The following CACNA1E variants were observed in gnomAD, a reference collection of about 807,000 sequenced individuals.
The protein encoded by CACNA1E is voltage-dependent R-type calcium channel subunit alpha-1E.
Under a neutral mutation model 259.2 loss-of-function variants are expected in CACNA1E, and 40 were observed. The observed-to-expected ratio is 0.15, with a 90% confidence interval of 0.12 to 0.20. The LOEUF (loss-of-function observed/expected upper bound fraction) is 0.20, where lower values mean the gene tolerates loss of function less well. Among genes scored for constraint, CACNA1E ranks in the 10% least tolerant of loss-of-function variants. The pLI is 1.00. For missense variants in CACNA1E, 1,874 were observed against 3,040.1 expected, an observed-to-expected ratio of 0.62 and a Z score of 9.02; for synonymous variants, 1,104 against 1,138.5, an observed-to-expected ratio of 0.97 and a Z score of 0.61.
chr1:181,449,270 G>A (rs184191080), intron 2 of CACNA1E, among the ~76,000 whole-genome samples: 2 of 152,164 alleles, frequency 1.3e-5, no homozygotes, highest in African/African-American at 2.4e-5. Flanking sequence ...GATACATGCC[G>A]TTCCATCCCT....
At position 181,720,833 on chromosome 1, in the gene CACNA1E, C is replaced by A; in HGVS notation, c.1934C>A (p.Ala645Glu). 1.9e-6 allele frequency: 3 copies of A among 1,611,690 alleles called. No homozygotes were observed. Among genetic ancestry groups the A allele is most frequent in the Non-Finnish European group, 2.5e-6 (3 of 1,178,370 alleles). The change falls in exon 15 of 48, where the codon GCA becomes GAA. Residue 645 changes from alanine to glutamate, a missense_variant. By Grantham distance (107) the Ala-to-Glu change is moderately radical (BLOSUM62 -1). Coordinates refer to ENST00000367573, the MANE Select transcript of CACNA1E (RefSeq NM_001205293.3). ...TCGGCAAATTTTGATACCTTCCCTG[C>A]AGCCATCATGACTGTGTTCCAGGTA... ...TPSANFDTFP[A>E]AIMTVFQILT...
At chr1:181,625,589 G>A (rs1052636437) in intron 6 of CACNA1E, among the ~76,000 whole-genome samples, 1 of 152,104 alleles carries the variant, frequency 6.6e-6, no homozygotes, top group Non-Finnish European at 1.5e-5. Flanking sequence ...ACCTTTATTA[G>A]CCTTCACAGA....
chr1:181,775,403 C>CCTGCCCCT (rs1659889749), intron 37 of CACNA1E, among the ~76,000 whole-genome samples: 1 of 152,212 alleles, frequency 6.6e-6, no homozygotes, highest in South Asian at 2.1e-4. Context: ...GTGCTGTCGT[C>CCTGCCCCT]CTGCCCCTGG....
chr1:181,426,646 C>A (rs1241845625), intron 2 of CACNA1E, among the ~76,000 whole-genome samples: 1 of 147,518 alleles, frequency 6.8e-6, no homozygotes, highest in Non-Finnish European at 1.5e-5. Context: ...CCCATCTCAA[C>A]CCCTTCCCAT....
intron 2 of CACNA1E, among the ~76,000 whole-genome samples, chr1:181,458,003 C>T (rs1158213042): frequency 6.6e-6 from 1 of 152,168 alleles, no homozygotes; most frequent in Non-Finnish European, 1.5e-5. Context: ...AGGTCTAAGT[C>T]CATCTGTGTG....
chr1:181,747,005 A>G (rs914691108), intron 25 of CACNA1E, among the ~76,000 whole-genome samples: 2 of 152,246 alleles, frequency 1.3e-5, no homozygotes, highest in Admixed American at 6.5e-5. Flanking sequence ...TATAGTGCCA[A>G]GGACTTAGTA....
intron 6 of CACNA1E, among the ~76,000 whole-genome samples, chr1:181,585,246 T>C (rs145519156): frequency 6.6e-6 from 1 of 152,310 alleles, no homozygotes; most frequent in East Asian, 1.9e-4. Context: ...TTCTTTTTAA[T>C]TGGCAGAACA....
intron 6 of CACNA1E, among the ~76,000 whole-genome samples, chr1:181,641,463 C>G (rs1011755344): frequency 6.6e-6 from 1 of 152,120 alleles, no homozygotes; most frequent in South Asian, 2.1e-4. Context: ...TTTCTCTCTC[C>G]TTGGAATGTC....
chr1:181,331,695 A>G (rs935674840), intron 1 of CACNA1E, among the ~76,000 whole-genome samples: 5 of 152,192 alleles, frequency 3.3e-5, no homozygotes, highest in African/African-American at 9.7e-5. Context: ...GACACCTAAT[A>G]TTAACCATCA....
chr1:181,581,572 A>T, intron 6 of CACNA1E, among the ~76,000 whole-genome samples: 1 of 152,136 alleles, frequency 6.6e-6, no homozygotes, highest in Non-Finnish European at 1.5e-5. Flanking sequence ...GATGTTGGGG[A>T]TTCCTGCATG....
chr1:181,562,004 A>G (rs1649377244), intron 3 of CACNA1E, among the ~76,000 whole-genome samples: 1 of 152,090 alleles, frequency 6.6e-6, no homozygotes, highest in African/African-American at 2.4e-5. Context: ...ATAATGTCCC[A>G]TCTTTTCATG....
At chr1:181,465,341 T>C (rs1033416385) in intron 2 of CACNA1E, among the ~76,000 whole-genome samples, 1 of 152,180 alleles carries the variant, frequency 6.6e-6, no homozygotes, top group Admixed American at 6.5e-5. Context: ...TTAGAATTCA[T>C]TGAATTTCTT....
Position 181,632,254 on chromosome 1 carries a change from C to T in CACNA1E, c.952-19084C>T, listed in dbSNP as rs77449668. ...TGCACTGAATGAGCAATGCTTGTGC[C>T]TTTCCTCTTTTCTTGTATCCGTACA... On this transcript the variant is annotated intron_variant, in intron 6 of 47. Transcript: ENST00000367573. Among the ~76,000 whole-genome samples the T allele has an allele frequency of 3.6e-3, 551 of 152,216 alleles. 3 individuals are homozygous for T. The highest frequency in any genetic ancestry group is 0.011 in the African/African-American group (464 of 41,514).
chr1:181,745,088 G>A (rs893968314), intron 25 of CACNA1E, among the ~76,000 whole-genome samples: 1 of 152,148 alleles, frequency 6.6e-6, no homozygotes. Context: ...CTTGAAAATG[G>A]AGTTTGGGAG....
At chr1:181,755,203 G>T (rs374942532) in intron 27 of CACNA1E, 34 bp from the exon 28 acceptor site, 2 of 1,596,546 alleles carry the variant, frequency 1.3e-6, no homozygotes, top group Non-Finnish European at 1.7e-6. Flanking sequence ...CCATCACAGG[G>T]TTCACACAGC....
Position 181,737,651 on chromosome 1 carries a change from C to T in CACNA1E, c.3549C>T (p.Asn1183=), listed in dbSNP as rs752658245. Residue 1183 remains asparagine (N), a synonymous_variant, in exon 23 of 48, where the codon AAC becomes AAT. Transcript: ENST00000367573. ...EDPVLTNSER[N]KVLRYFDYVF... ...CCGTCCTGACCAACTCGGAGCGCAA[C>T]AAAGTGGGTACACAGGGGCCATGTG... The T allele has an allele frequency of 4.3e-6, 7 of 1,613,416 alleles. No individual in the cohort carries two copies. The highest frequency in any genetic ancestry group is 2.7e-5 in the African/African-American group (2 of 74,936).
At chr1:181,518,132 G>A (rs574018702) in intron 3 of CACNA1E, among the ~76,000 whole-genome samples, 1 of 152,230 alleles carries the variant, frequency 6.6e-6, no homozygotes, top group South Asian at 2.1e-4. Flanking sequence ...AGGAGATGGG[G>A]AAACCGAGGC....
At chr1:181,643,924 G>A (rs370006407) in intron 6 of CACNA1E, among the ~76,000 whole-genome samples, 1 of 152,148 alleles carries the variant, frequency 6.6e-6, no homozygotes, top group Non-Finnish European at 1.5e-5. Context: ...GTTTGTGTGG[G>A]GAGACTTAGT....
At chr1:181,597,541 C>A (rs987866870) in intron 6 of CACNA1E, among the ~76,000 whole-genome samples, 2 of 152,222 alleles carry the variant, frequency 1.3e-5, no homozygotes, top group Non-Finnish European at 1.5e-5. Flanking sequence ...ATTCCTCTTA[C>A]ACCTACTGTG....
Sources: allele counts gnomAD v4.1 joint callset (sites outside exome capture counted in the v4.1 genomes callset), GRCh38; gene constraint gnomAD v4.1.1; transcripts MANE v1.5; gene names NCBI Gene and HGNC (gene_info 2026-07-23, HGNC 2026-07-21).